Variants in HMMR observed in about 807,000 individuals in gnomAD.
HMMR encodes the protein intracellular hyaluronic acid-binding protein.
In HMMR, 108 loss-of-function variants were observed where a neutral mutation model predicts 101.0. That is an observed-to-expected ratio of 1.07 (90% CI 0.92 to 1.25). The LOEUF is 1.25. Among genes scored for constraint, HMMR ranks in the 50% most tolerant of loss-of-function variants. The pLI, the probability that HMMR is intolerant of heterozygous loss-of-function variation, is 0.00. For missense variants in HMMR, 813 were observed against 788.7 expected, an observed-to-expected ratio of 1.03 and a Z score of -0.37; for synonymous variants, 296 against 276.4, an observed-to-expected ratio of 1.07 and a Z score of -0.70.
At position 163,478,703 on chromosome 5, in the gene HMMR, A is replaced by C. The variant is rs1452731563; in HGVS notation, c.1288A>C (p.Lys430Gln). ...TCTTAGGAAGGAGGCTGAACTGGAGAAAAGTAGTGCTGCTCATACCCAGGC... is the reference window on the plus strand; with the variant it reads ...TCTTAGGAAGGAGGCTGAACTGGAGCAAAGTAGTGCTGCTCATACCCAGGC... ...KLKGKEAELE[K>Q]SSAAHTQATL... The change falls in exon 12 of 18, where the codon AAA becomes CAA. Residue 430 changes from lysine to glutamine, a missense_variant. By Grantham distance (53) the Lys-to-Gln change is moderately conservative. Coordinates refer to ENST00000393915, the MANE Select transcript of HMMR (RefSeq NM_001142556.2). 16 of 1,610,818 alleles carry C rather than the reference A, an allele frequency of 9.9e-6. No individual in the cohort carries two copies. The highest frequency in any genetic ancestry group is 1.4e-5 in the Non-Finnish European group (16 of 1,177,132).
chr5:163,491,232 T>G lies in HMMR; in HGVS notation c.*68T>G. On this transcript the variant is annotated 3_prime_UTR_variant, in exon 18 of 18. Transcript: ENST00000393915. ...GTTATTGATGTTGCTGTTATTATATTTGACATGGGTATTTTATAATGTTGT... is the reference window on the plus strand; with the variant it reads ...GTTATTGATGTTGCTGTTATTATATGTGACATGGGTATTTTATAATGTTGT... 1.2e-6 allele frequency: 1 copy of G among 828,008 alleles called. No homozygotes were observed. Among genetic ancestry groups the G allele is most frequent in the Non-Finnish European group, 1.9e-6 (1 of 516,810 alleles). 51.3% of individuals were successfully genotyped at this position (828,008 alleles called of 1,614,324 possible). A position where few individuals can be genotyped will look rare whatever the true frequency, so the allele number is the denominator to read the frequency against.
intron 3 of HMMR, 63 bp from the exon 4 acceptor site, chr5:163,467,638 A>G: frequency 1.1e-6 from 1 of 901,180 alleles, no homozygotes; most frequent in Non-Finnish European, 1.8e-6. Context: ...ACTGAAAAAC[A>G]AATTTGGCTG....
intron 11 of HMMR, among the ~76,000 whole-genome samples, chr5:163,477,052 A>G (rs1421561330): frequency 6.6e-6 from 1 of 152,040 alleles, no homozygotes; most frequent in Non-Finnish European, 1.5e-5. Context: ...AAAAACTGAA[A>G]TCTCACTTTT....
chr5:163,481,458 C>G (rs540610155), intron 12 of HMMR, among the ~76,000 whole-genome samples: 1 of 152,208 alleles, frequency 6.6e-6, no homozygotes, highest in Non-Finnish European at 1.5e-5. Flanking sequence ...TTTCATCAAA[C>G]CAGACCTTTC....
At chr5:163,474,890 G>T (rs1162797756) in intron 10 of HMMR, among the ~76,000 whole-genome samples, 1 of 151,898 alleles carries the variant, frequency 6.6e-6, no homozygotes, top group Non-Finnish European at 1.5e-5. Context: ...CAGCAACAGA[G>T]TATATATCAT....
At chr5:163,480,813 C>T (rs1759228020) in intron 12 of HMMR, among the ~76,000 whole-genome samples, 1 of 151,960 alleles carries the variant, frequency 6.6e-6, no homozygotes, top group South Asian at 2.1e-4. Flanking sequence ...TCATCTTTTC[C>T]TCATTGATTT....
At chr5:163,471,680 A>G (rs1018554882) in intron 7 of HMMR, among the ~76,000 whole-genome samples, 6 of 152,188 alleles carry the variant, frequency 3.9e-5, no homozygotes, top group African/African-American at 1.4e-4. Context: ...ACTTTTGTAC[A>G]TCTTCTGTAT....
Position 163,469,673 on chromosome 5 carries a change from G to A in HMMR, c.306G>A (p.Gln102=). Residue 102 remains glutamine (Q), a synonymous_variant, in exon 5 of 18, where the codon CAG becomes CAA. Coordinates refer to ENST00000393915, the MANE Select transcript of HMMR (RefSeq NM_001142556.2). The part of the protein sequence containing the change: ...IRVLLQERGA[Q]DRRIQDLETE... ...TTCTTCTACAGGAACGTGGTGCCCAGGACAGGCGGATCCAGGATCTGGAAA... is the reference window on the plus strand; with the variant it reads ...TTCTTCTACAGGAACGTGGTGCCCAAGACAGGCGGATCCAGGATCTGGAAA... 6.2e-7 allele frequency: 1 copy of A among 1,613,884 alleles called. No homozygotes were observed.
At chr5:163,471,759 G>A (rs1344919830) in intron 7 of HMMR, among the ~76,000 whole-genome samples, 1 of 152,074 alleles carries the variant, frequency 6.6e-6, no homozygotes, top group African/African-American at 2.4e-5. Context: ...AGAAACACTG[G>A]TATAGGAAAT....
intron 3 of HMMR, 50 bp from the exon 4 acceptor site, chr5:163,467,651 A>G (rs774271874): frequency 4.8e-6 from 5 of 1,047,408 alleles, no homozygotes; most frequent in East Asian, 4.8e-5. Flanking sequence ...TTTGGCTGTC[A>G]TATCTGTGAC....
Position 163,475,491 on chromosome 5 carries a change from T to C in HMMR, c.1087T>C (p.Ser363Pro), listed in dbSNP as rs1338993707. The change falls in exon 11 of 18, where the codon TCT becomes CCT. Residue 363 changes from serine to proline, a missense_variant. Coordinates refer to ENST00000393915, the MANE Select transcript of HMMR (RefSeq NM_001142556.2). ...TTCGAGTCTTCATCAGAAGCTCTGT[T>C]CTTTTCAAGAGGAAATGGTTAAAGA... Reference protein sequence around the residue: ...LSSSLHQKLCSFQEEMVKEKN... With the variant: ...LSSSLHQKLCPFQEEMVKEKN... 8.1e-6 allele frequency: 13 copies of C among 1,606,356 alleles called. No individual in the cohort carries two copies. The highest frequency in any genetic ancestry group is 1.0e-5 in the Non-Finnish European group (12 of 1,175,194).
intron 11 of HMMR, among the ~76,000 whole-genome samples, chr5:163,476,799 G>A (rs755810893): frequency 1.2e-4 from 19 of 152,148 alleles, no homozygotes; most frequent in Non-Finnish European, 2.9e-5. Flanking sequence ...GGAAGCCAAG[G>A]CAGCGAGATC....
chr5:163,464,576 T>G (rs1758639600), intron 2 of HMMR, 147 bp from the exon 3 acceptor site: 1 of 608,482 alleles, frequency 1.6e-6, no homozygotes, highest in South Asian at 2.0e-5. Flanking sequence ...ATGACACCAC[T>G]GCAGTCCAGG....
At position 163,484,230 on chromosome 5, in the gene HMMR, T is replaced by C. The variant is rs890421367; in HGVS notation, c.1947T>C (p.Asn649=). ...IKHVVKLKDE[N]SQLKSEVSKL... ...ATGTTGTGAAGTTGAAAGATGAAAA[T>C]AGCCAACTCAAATCGGTTTGTAAAA... The change falls in exon 16 of 18, where the codon AAT becomes AAC. Residue 649 remains asparagine, a synonymous_variant. Transcript: ENST00000393915. The C allele has an allele frequency of 3.8e-6, 6 of 1,590,920 alleles. No homozygotes were observed. Among genetic ancestry groups the C allele is most frequent in the Non-Finnish European group, 3.4e-6 (4 of 1,167,492 alleles).
chr5:163,469,330 C>G (rs1758796226), intron 4 of HMMR, among the ~76,000 whole-genome samples: 1 of 146,484 alleles, frequency 6.8e-6, no homozygotes, highest in East Asian at 2.0e-4. Flanking sequence ...TGCCACTGCA[C>G]TCCAGCCTGG....
At chr5:163,462,440 C>T (rs1366158496) in intron 1 of HMMR, among the ~76,000 whole-genome samples, 1 of 151,542 alleles carries the variant, frequency 6.6e-6, no homozygotes, top group African/African-American at 2.4e-5. Context: ...CACATACATA[C>T]GAAAGAAAAG....
In HMMR at chr5:163,460,750, G is replaced by A. The variant is rs778305403; in HGVS notation, c.46+12G>A. The A allele has an allele frequency of 3.9e-5, 62 of 1,604,892 alleles. No homozygotes were observed. The highest frequency in any genetic ancestry group is 3.1e-4 in the Admixed American group (18 of 58,950). On this transcript the variant is annotated intron_variant, in intron 1 of 17. Transcript: ENST00000393915. ...CAATGACCCTTCTGGTGCGTAAGGG[G>A]GAAAGAGCTGGGGGACGGGAGACGC...
At chr5:163,469,318 C>T (rs139169480) in intron 4 of HMMR, among the ~76,000 whole-genome samples, 6,040 of 147,898 alleles carry the variant, frequency 0.041, 151 homozygotes, top group Non-Finnish European at 0.054. Context: ...GAGCCGAGAT[C>T]GTGCCACTGC....
intron 15 of HMMR, 29 bp from the exon 16 acceptor site, chr5:163,484,040 C>T: frequency 7.1e-7 from 1 of 1,411,222 alleles, no homozygotes; most frequent in Non-Finnish European, 9.8e-7. Flanking sequence ...TGTTTTAAGT[C>T]TTAACTTTAT....
Sources: allele counts gnomAD v4.1 joint callset (sites outside exome capture counted in the v4.1 genomes callset), GRCh38; gene constraint gnomAD v4.1.1; transcripts MANE v1.5; gene names NCBI Gene and HGNC (gene_info 2026-07-23, HGNC 2026-07-21).